CSNK1A1: variants seen among roughly 807,000 people sequenced by gnomAD.
The protein encoded by CSNK1A1 is casein kinase I isoform alpha.
A neutral mutation model predicts 46.1 loss-of-function variants in CSNK1A1; 7 were observed. The observed-to-expected ratio is 0.15, with a 90% CI of 0.09 to 0.29. The LOEUF (loss-of-function observed/expected upper bound fraction) is 0.29, where lower values mean the gene tolerates loss of function less well. CSNK1A1 is among the 10% of genes least tolerant of loss of function. CSNK1A1 has a pLI of 1.00. For missense variants in CSNK1A1, 96 were observed against 417.1 expected, an observed-to-expected ratio of 0.23 and a Z score of 6.71; for synonymous variants, 137 against 141.5, an observed-to-expected ratio of 0.97 and a Z score of 0.23.
chr5:149,533,930 G>A (rs1761973471), intron 2 of CSNK1A1, among the ~76,000 whole-genome samples: 1 of 152,220 alleles, frequency 6.6e-6, no homozygotes. Flanking sequence ...GCCTAGGGCT[G>A]ACGGGAAATG....
intron 3 of CSNK1A1, among the ~76,000 whole-genome samples, chr5:149,521,833 C>T (rs1410669212): frequency 6.6e-6 from 1 of 151,906 alleles, no homozygotes; most frequent in East Asian, 1.9e-4. Flanking sequence ...GTTTCCAGCT[C>T]CTGGCCTAAA....
chr5:149,510,722 G>A (rs1238294582), intron 6 of CSNK1A1, among the ~76,000 whole-genome samples: 1 of 151,832 alleles, frequency 6.6e-6, no homozygotes, highest in South Asian at 2.1e-4. Flanking sequence ...CAAGTGATCC[G>A]CCTGGCTGGG....
chr5:149,516,128 TG>T (rs1761392266), intron 4 of CSNK1A1, among the ~76,000 whole-genome samples: 3 of 152,176 alleles, frequency 2.0e-5, no homozygotes. Context: ...AAGACCAGTC[TG>T]GCCAACATGG....
At chr5:149,520,417 G>A in intron 3 of CSNK1A1, 29 bp from the exon 4 acceptor site, 1 of 1,240,464 alleles carries the variant, frequency 8.1e-7, no homozygotes, top group Non-Finnish European at 1.2e-6. Flanking sequence ...AGAGATAATT[G>A]AGTTAAGTAG....
In CSNK1A1 at chr5:149,509,810, G is replaced by A. The variant is rs1236825654; in HGVS notation, c.750+69C>T. 3 of 1,206,992 alleles carry A rather than the reference G, an allele frequency of 2.5e-6. No homozygotes were observed. In the Admixed American group the frequency reaches 6.2e-5, roughly 25 times the overall value. The allele number at this position is 1,206,992 out of a possible 1,614,324, so 74.8% of individuals were successfully genotyped here. ...ACTGCCTTGGCCTCCCAAAGTGCTG[G>A]GATTACAGGTGTGAGCCATTGTGCC... On this transcript the variant is annotated intron_variant, in intron 7 of 9. Coordinates refer to ENST00000377843, the MANE Select transcript of CSNK1A1 (RefSeq NM_001892.6).
chr5:149,510,822 G>T (rs1254004109), intron 6 of CSNK1A1, among the ~76,000 whole-genome samples: 1 of 152,122 alleles, frequency 6.6e-6, no homozygotes, highest in African/African-American at 2.4e-5. Context: ...AAGGGCAAAG[G>T]CATCAGATTA....
At chr5:149,497,836 C>CT in intron 9 of CSNK1A1, 2 of 985,184 alleles carry the variant, frequency 2.0e-6, no homozygotes, top group South Asian at 4.7e-5. Flanking sequence ...TCTTTTAGTT[C>CT]TTTTTTCTTT....
At chr5:149,526,853 T>C in intron 2 of CSNK1A1, among the ~76,000 whole-genome samples, 1 of 152,100 alleles carries the variant, frequency 6.6e-6, no homozygotes, top group Non-Finnish European at 1.5e-5. Flanking sequence ...GTATAATAAA[T>C]ATGCTCCCTA....
chr5:149,514,680 T>TAA, intron 4 of CSNK1A1, among the ~76,000 whole-genome samples: 1 of 152,328 alleles, frequency 6.6e-6, no homozygotes, highest in South Asian at 2.1e-4. Context: ...ATTTAGGTTA[T>TAA]AAAGATCTGA....
chr5:149,549,436 A>G lies in CSNK1A1; in HGVS notation c.230+639T>C, dbSNP rs988061810. 1.0e-5 allele frequency: 7 copies of G among 702,008 alleles called. No individual in the cohort carries two copies. In the Admixed American group the frequency reaches 1.0e-4, roughly 10 times the overall value. 43.5% of individuals were successfully genotyped at this position (702,008 alleles called of 1,614,324 possible). A position where few individuals can be genotyped will look rare whatever the true frequency, so the allele number is the denominator to read the frequency against. ...AGATCACAAACACTGTCACTATGCC[A>G]TCTCCTTCCTCGAACCTCCACACCG... On this transcript the variant is annotated intron_variant, in intron 2 of 9. Coordinates refer to ENST00000377843, the MANE Select transcript of CSNK1A1 (RefSeq NM_001892.6).
intron 2 of CSNK1A1, chr5:149,549,198 T>C: frequency 5.0e-6 from 2 of 403,842 alleles, no homozygotes; most frequent in Non-Finnish European, 4.5e-6. Flanking sequence ...GGCTAAGTGA[T>C]TAAGATTTTT....
At chr5:149,506,763 C>G (rs954002699) in intron 8 of CSNK1A1, among the ~76,000 whole-genome samples, 4 of 152,160 alleles carry the variant, frequency 2.6e-5, no homozygotes, top group African/African-American at 7.2e-5. Context: ...CCACTTATAT[C>G]TAATATGAAT....
Position 149,495,721 on chromosome 5 carries a change from C to T in CSNK1A1, c.*1132G>A, listed in dbSNP as rs1236954777. On this transcript the variant is annotated 3_prime_UTR_variant, in exon 10 of 10. Transcript: ENST00000377843. ...ATACCAAGTTCTGGCAGTTGCAGTA[C>T]TAGATATTGTGCCTGCAAGTCATAA... 1 of 132,196 alleles carries T rather than the reference C, an allele frequency of 7.6e-6. No homozygotes were observed. The highest frequency in any genetic ancestry group is 2.2e-4 in the East Asian group (1 of 4,608). 8.2% of individuals were successfully genotyped at this position (132,196 alleles called of 1,614,324 possible).
At chr5:149,501,842 T>A (rs1187989169) in intron 9 of CSNK1A1, 1 of 974,712 alleles carries the variant, frequency 1.0e-6, no homozygotes, top group Non-Finnish European at 1.2e-6. Context: ...ACTTTTTTGA[T>A]AATCACATAT....
chr5:149,498,200 A>T, intron 9 of CSNK1A1: 1 of 984,946 alleles, frequency 1.0e-6, no homozygotes, highest in African/African-American at 1.7e-5. Flanking sequence ...AATAATTCTA[A>T]TATTTATTTC....
At chr5:149,514,049 A>G (rs984675046) in intron 4 of CSNK1A1, among the ~76,000 whole-genome samples, 6 of 152,160 alleles carry the variant, frequency 3.9e-5, no homozygotes, top group African/African-American at 1.2e-4. Context: ...AAAAAATACT[A>G]CTTAGCACTG....
chr5:149,500,962 A>G (rs1002024151), intron 9 of CSNK1A1: 1 of 984,952 alleles, frequency 1.0e-6, no homozygotes, highest in East Asian at 1.1e-4. Flanking sequence ...TGTCTTCCTT[A>G]TAACAGAATT....
intron 2 of CSNK1A1, among the ~76,000 whole-genome samples, chr5:149,540,785 T>A (rs1389780923): frequency 6.6e-6 from 1 of 152,082 alleles, no homozygotes; most frequent in Non-Finnish European, 1.5e-5. Context: ...TATGCATTTG[T>A]CAAAACTGAT....
intron 2 of CSNK1A1, among the ~76,000 whole-genome samples, chr5:149,530,726 G>A (rs1324450639): frequency 2.6e-5 from 4 of 152,094 alleles, no homozygotes; most frequent in Non-Finnish European, 5.9e-5. Flanking sequence ...CCAGCACTCT[G>A]GGAAGCCGAG....
Sources: allele counts gnomAD v4.1 joint callset (sites outside exome capture counted in the v4.1 genomes callset), GRCh38; gene constraint gnomAD v4.1.1; transcripts MANE v1.5; gene names NCBI Gene and HGNC (gene_info 2026-07-23, HGNC 2026-07-21).